The following SLC24A2 variants were observed in gnomAD, a reference collection of about 807,000 sequenced individuals.
SLC24A2 encodes the protein sodium/potassium/calcium exchanger 2.
A neutral mutation model predicts 62.0 loss-of-function variants in SLC24A2; 36 were observed. That is an observed-to-expected ratio of 0.58 (90% CI 0.44 to 0.77). The LOEUF is 0.77. SLC24A2 is among the 30% of genes least tolerant of loss of function. The pLI, the probability that SLC24A2 is intolerant of heterozygous loss-of-function variation, is 0.00. For synonymous variants in SLC24A2, 358 were observed against 294.0 expected (o/e 1.22, Z -2.23); for missense variants, 846 against 817.9 (o/e 1.03, Z -0.42).
intron 4 of SLC24A2, among the ~76,000 whole-genome samples, chr9:19,606,338 T>G (rs573239264): frequency 6.6e-6 from 1 of 152,216 alleles, no homozygotes; most frequent in South Asian, 2.1e-4. Flanking sequence ...GTTGTTATGG[T>G]CTCAGGGCCT....
At chr9:19,993,846 G>A in the SLC24A2 span, among the ~76,000 whole-genome samples, 2 of 152,146 alleles carry the variant, frequency 1.3e-5, no homozygotes, top group African/African-American at 4.8e-5. Flanking sequence ...TCATGCTAGT[G>A]ATTGAAAACA....
chr9:19,717,510 A>T lies in SLC24A2; in HGVS notation c.930+68427T>A, dbSNP rs139429257. ...CATTTATCAATAAAAAGTTGCTGCC[A>T]AAGTGGTTGCCTCAGAGGTCACTAA... On this transcript the variant is annotated intron_variant, in intron 2 of 10. Transcript: ENST00000341998. Among the ~76,000 whole-genome samples, 272 of 152,360 alleles carry T rather than the reference A, an allele frequency of 1.8e-3. 1 individual carries two copies. Among genetic ancestry groups the T allele is most frequent in the African/African-American group, 6.2e-3 (258 of 41,592 alleles).
At chr9:20,259,157 A>C in the SLC24A2 span, among the ~76,000 whole-genome samples, 1 of 152,288 alleles carries the variant, frequency 6.6e-6, no homozygotes, top group Non-Finnish European at 1.5e-5. Context: ...AAAAGACATG[A>C]AAACAGATTC....
chr9:20,155,475 T>A, the SLC24A2 span, among the ~76,000 whole-genome samples: 15 of 151,954 alleles, frequency 9.9e-5, no homozygotes, highest in African/African-American at 3.6e-4. Context: ...TAGATATTTG[T>A]GGATTTTTCT....
At chr9:19,556,314 G>A (rs905624445) in intron 7 of SLC24A2, among the ~76,000 whole-genome samples, 1 of 152,146 alleles carries the variant, frequency 6.6e-6, no homozygotes, top group Non-Finnish European at 1.5e-5. Flanking sequence ...AGCCTGAGTT[G>A]GATTCACCAG....
At chr9:19,725,219 T>C (rs1273888622) in intron 2 of SLC24A2, among the ~76,000 whole-genome samples, 2 of 152,274 alleles carry the variant, frequency 1.3e-5, no homozygotes, top group Middle Eastern at 3.4e-3. Flanking sequence ...GCTCAGGTAA[T>C]TCCCCCCACA....
intron 5 of SLC24A2, among the ~76,000 whole-genome samples, chr9:19,593,228 C>T (rs994038835): frequency 5.3e-4 from 80 of 152,336 alleles, no homozygotes; most frequent in Middle Eastern, 3.4e-3. Flanking sequence ...TCATCTCATG[C>T]CTGTGTCTCC....
At chr9:19,595,262 C>T (rs1235401759) in intron 5 of SLC24A2, among the ~76,000 whole-genome samples, 2 of 152,108 alleles carry the variant, frequency 1.3e-5, no homozygotes, top group African/African-American at 4.8e-5. Context: ...TTTATGGAAT[C>T]AGCCTTGCCT....
At chr9:20,225,071 T>C in the SLC24A2 span, among the ~76,000 whole-genome samples, 1 of 152,120 alleles carries the variant, frequency 6.6e-6, no homozygotes, top group African/African-American at 2.4e-5. Context: ...CTCTATTCTG[T>C]CCTGCTCCTC....
the SLC24A2 span, among the ~76,000 whole-genome samples, chr9:19,889,600 G>C: frequency 1.3e-5 from 2 of 151,922 alleles, no homozygotes; most frequent in Admixed American, 6.6e-5. Context: ...ATTTTTCCTC[G>C]TTCCTCCTTC....
In SLC24A2 at chr9:19,528,055, C is replaced by T. The variant is rs201117303; in HGVS notation, c.1563G>A (p.Ala521=). Residue 521 remains alanine (A), a synonymous_variant, in exon 9 of 11, where the codon GCG becomes GCA. Coordinates refer to ENST00000341998, the MANE Select transcript of SLC24A2 (RefSeq NM_020344.4). ...AVFSYLMVWW[A]HQVGETIGIS... is the part of the protein sequence containing the mutation. ...GTCACTATCAAAATCTTACCTGGTG[C>T]GCCCACCAGACCATCAAGTAAGAGA... is the stretch of plus-strand genomic sequence containing the variant. 1.6e-5 allele frequency: 25 copies of T among 1,576,140 alleles called. No individual in the cohort carries two copies. The highest frequency in any genetic ancestry group is 1.4e-4 in the East Asian group (6 of 44,216).
intron 6 of SLC24A2, 25 bp from the exon 7 acceptor site, chr9:19,573,494 ACACACAC>A (rs1177424768): frequency 5.5e-5 from 1 of 18,102 alleles, no homozygotes; most frequent in African/African-American, 6.1e-4. Flanking sequence ...AAACACACAC[ACACACAC>A]ACACACACAC....
chr9:20,088,120 A>C, the SLC24A2 span, among the ~76,000 whole-genome samples: 1 of 152,164 alleles, frequency 6.6e-6, no homozygotes, highest in Non-Finnish European at 1.5e-5. Context: ...AGTGGCTGCA[A>C]CTCTGGCAAA....
At chr9:19,797,460 A>C in the SLC24A2 span, among the ~76,000 whole-genome samples, 6 of 152,210 alleles carry the variant, frequency 3.9e-5, no homozygotes, top group African/African-American at 1.4e-4. Flanking sequence ...CGAATCAGGC[A>C]TTAAAATGCT....
At chr9:19,547,786 C>G (rs10964198) in intron 8 of SLC24A2, among the ~76,000 whole-genome samples, 1 of 151,448 alleles carries the variant, frequency 6.6e-6, no homozygotes, top group Non-Finnish European at 1.5e-5. Flanking sequence ...ATTTTCCTCC[C>G]TAGGGCCACA....
At chr9:19,549,589 A>G (rs1371034898) in intron 8 of SLC24A2, among the ~76,000 whole-genome samples, 8 of 152,214 alleles carry the variant, frequency 5.3e-5, no homozygotes, top group Admixed American at 3.3e-4. Flanking sequence ...CCCAAGTCAC[A>G]TGAAAAGGCC....
the SLC24A2 span, among the ~76,000 whole-genome samples, chr9:20,115,000 C>T: frequency 7.9e-5 from 12 of 152,198 alleles, 1 homozygote; most frequent in East Asian, 2.3e-3. Context: ...AAGGTTGAAA[C>T]TTAAATACGC....
the SLC24A2 span, among the ~76,000 whole-genome samples, chr9:20,053,809 G>A: frequency 6.6e-6 from 1 of 152,184 alleles, no homozygotes; most frequent in Admixed American, 6.5e-5. Context: ...ATAAATTTCT[G>A]TCACTTAGAA....
intron 8 of SLC24A2, among the ~76,000 whole-genome samples, chr9:19,529,813 T>G (rs375050431): frequency 2.0e-4 from 30 of 150,566 alleles, no homozygotes; most frequent in African/African-American, 7.3e-4. Flanking sequence ...TGCAGTGGCA[T>G]GATCTTGGCT....
Sources: gnomAD v4.1 joint callset for allele counts (sites outside exome capture counted in the v4.1 genomes callset) on GRCh38, gnomAD v4.1.1 for gene constraint, MANE v1.5 for transcripts, NCBI Gene and HGNC (gene_info 2026-07-23, HGNC 2026-07-21) for gene names.